The following LAMA3 variants were observed in gnomAD, a reference collection of about 807,000 sequenced individuals.
The protein encoded by LAMA3 is laminin subunit alpha 3, also known as laminin subunit alpha-3.
In LAMA3, 281 loss-of-function variants were observed where a neutral mutation model predicts 402.0. The ratio of observed to expected loss-of-function variants is 0.70; its 90% CI spans 0.63 to 0.77. The LOEUF is 0.77. LAMA3 is among the 30% of genes least tolerant of loss of function. LAMA3 has a pLI of 0.00. For synonymous variants in LAMA3, 1,431 were observed against 1,558.4 expected, an observed-to-expected ratio of 0.92 and a Z score of 1.93; for missense variants, 3,840 against 4,215.5, an observed-to-expected ratio of 0.91 and a Z score of 2.47.
At chr18:23,889,694 AAGGGAGGG>A (rs1159391824) in intron 41 of LAMA3, among the ~76,000 whole-genome samples, 2 of 83,000 alleles carry the variant, frequency 2.4e-5, no homozygotes, top group African/African-American at 7.8e-5. Context: ...GGAAGGAAGG[AAGGGAGGG>A]AGGAAGGGAG....
chr18:23,845,653 C>T (rs1006358492), intron 30 of LAMA3, among the ~76,000 whole-genome samples: 2 of 152,206 alleles, frequency 1.3e-5, no homozygotes, highest in Non-Finnish European at 2.9e-5. Flanking sequence ...GTCATAGATT[C>T]CTGAAGAGCC....
intron 25 of LAMA3, 54 bp from the exon 26 acceptor site, chr18:23,838,727 G>A (rs919277521): frequency 1.7e-5 from 16 of 964,706 alleles, no homozygotes; most frequent in Non-Finnish European, 2.4e-5. Flanking sequence ...TGGCCATACC[G>A]TTTGTTTTGC....
At chr18:23,941,594 A>G (rs937009313) in intron 68 of LAMA3, among the ~76,000 whole-genome samples, 1 of 152,146 alleles carries the variant, frequency 6.6e-6, no homozygotes, top group African/African-American at 2.4e-5. Flanking sequence ...TCTGATTTAC[A>G]TTCTAGCAGT....
chr18:23,845,197 G>A (rs2063787267), intron 30 of LAMA3, 73 bp downstream of exon 30: 6 of 879,112 alleles, frequency 6.8e-6, no homozygotes, highest in African/African-American at 1.7e-5. Context: ...CGAGGCCCAG[G>A]GAGGGGCTGG....
chr18:23,783,741 G>A (rs987025428), intron 11 of LAMA3, among the ~76,000 whole-genome samples: 4 of 151,904 alleles, frequency 2.6e-5, no homozygotes, highest in African/African-American at 2.4e-5. Flanking sequence ...TACAAAGCTC[G>A]GCTTTAGAGG....
intron 21 of LAMA3, among the ~76,000 whole-genome samples, chr18:23,825,949 C>T (rs1459545768): frequency 6.6e-6 from 1 of 152,156 alleles, no homozygotes; most frequent in African/African-American, 2.4e-5. Flanking sequence ...AAAATTTAAA[C>T]CTACTGAGTC....
In LAMA3 at chr18:23,753,729, C is replaced by T. The variant is rs527870822; in HGVS notation, c.864C>T (p.Tyr288=). The T allele has an allele frequency of 5.6e-6, 9 of 1,612,796 alleles. No homozygotes were observed. In the African/African-American group the frequency reaches 1.1e-4, roughly 19 times the overall value. ...TGTGTTCTGTTGTGCAGTATTATTA[C>T]AGCATAAAGGACATCAGCATTGGTG... The part of the protein sequence containing the change: ...RDPTVTRRYY[Y]SIKDISIGGQ... The change falls in exon 6 of 75, where the codon TAC becomes TAT. Residue 288 remains tyrosine, a synonymous_variant. Coordinates refer to ENST00000313654, the MANE Select transcript of LAMA3 (RefSeq NM_198129.4).
chr18:23,692,702 C>T lies in LAMA3; in HGVS notation c.294+2725C>T, dbSNP rs543803809. On this transcript the variant is annotated intron_variant, in intron 1 of 74. Coordinates refer to ENST00000313654, the MANE Select transcript of LAMA3 (RefSeq NM_198129.4). ...CATTCTGATGCTTGTTTTCTATATG[C>T]CTTATATATTTTTTGGCTACTCTCA... 1.8e-3 allele frequency among the ~76,000 whole-genome samples: 274 copies of T among 152,196 alleles called. 1 individual carries two copies. Among genetic ancestry groups the T allele is most frequent in the African/African-American group, 6.3e-3 (261 of 41,514 alleles).
intron 2 of LAMA3, among the ~76,000 whole-genome samples, chr18:23,729,398 GT>G (rs1360449860): frequency 6.6e-6 from 1 of 152,124 alleles, no homozygotes; most frequent in African/African-American, 2.4e-5. Flanking sequence ...GCAACAGATA[GT>G]AAAAATATTT....
chr18:23,945,118 G>A (rs1022330764), intron 69 of LAMA3, among the ~76,000 whole-genome samples: 1 of 152,152 alleles, frequency 6.6e-6, no homozygotes, highest in African/African-American at 2.4e-5. Context: ...GGGCGACAGA[G>A]CAAGACTCTG....
intron 25 of LAMA3, among the ~76,000 whole-genome samples, chr18:23,837,521 T>TA (rs990891752): frequency 1.4e-5 from 2 of 141,566 alleles, no homozygotes; most frequent in Non-Finnish European, 3.0e-5. Context: ...TTACCTAGTT[T>TA]AAAAAAAACT....
At chr18:23,812,321 G>T (rs2063090237) in intron 13 of LAMA3, among the ~76,000 whole-genome samples, 1 of 152,190 alleles carries the variant, frequency 6.6e-6, no homozygotes, top group African/African-American at 2.4e-5. Flanking sequence ...CAACCTGGAA[G>T]ACAGAGCAAG....
chr18:23,804,179 G>A (rs1033124580), intron 12 of LAMA3, among the ~76,000 whole-genome samples: 9 of 152,142 alleles, frequency 5.9e-5, no homozygotes, highest in Non-Finnish European at 1.2e-4. Context: ...ATATGTAGAC[G>A]GTGGCAGGAC....
Position 23,884,665 on chromosome 18 carries a change from C to T in LAMA3, c.5223-108C>T. The T allele has an allele frequency of 3.9e-6, 4 of 1,031,046 alleles. No homozygotes were observed. In the South Asian group the frequency reaches 5.4e-5, roughly 14 times the overall value. 63.9% of individuals were successfully genotyped at this position (1,031,046 alleles called of 1,614,324 possible). On this transcript the variant is annotated intron_variant, in intron 40 of 74. Coordinates refer to ENST00000313654, the MANE Select transcript of LAMA3 (RefSeq NM_198129.4). ...TTTCTTCACACAAAGTAACCAGACC[C>T]TGGGTTTCAGTGCTCACTTAATACA...
At chr18:23,814,300 C>A in intron 14 of LAMA3, 103 bp from the exon 15 acceptor site, 1 of 902,662 alleles carries the variant, frequency 1.1e-6, no homozygotes, top group Non-Finnish European at 1.9e-6. Flanking sequence ...AATTACTTTT[C>A]ATGACCAAAA....
chr18:23,750,685 C>T (rs1350749808), intron 4 of LAMA3, among the ~76,000 whole-genome samples: 4 of 151,876 alleles, frequency 2.6e-5, no homozygotes, highest in Non-Finnish European at 4.4e-5. Flanking sequence ...TAACATCTCC[C>T]GAGAGCCCAG....
chr18:23,803,265 C>G (rs2062898459), intron 12 of LAMA3, among the ~76,000 whole-genome samples: 1 of 152,144 alleles, frequency 6.6e-6, no homozygotes, highest in African/African-American at 2.4e-5. Flanking sequence ...GCTGATTACC[C>G]TGGAGAATGG....
chr18:23,876,452 C>T (rs749224094), intron 39 of LAMA3, 45 bp downstream of exon 39: 7 of 1,248,480 alleles, frequency 5.6e-6, no homozygotes, highest in Non-Finnish European at 8.3e-6. Context: ...CAATCTGTTT[C>T]TCCTCCATTC....
At chr18:23,703,132 A>C (rs549150727) in intron 1 of LAMA3, among the ~76,000 whole-genome samples, 1 of 152,318 alleles carries the variant, frequency 6.6e-6, no homozygotes. Context: ...TGCAGTGGGC[A>C]GAAGAATCCT....
Sources: allele counts gnomAD v4.1 joint callset (sites outside exome capture counted in the v4.1 genomes callset), GRCh38; gene constraint gnomAD v4.1.1; transcripts MANE v1.5; gene names NCBI Gene and HGNC (gene_info 2026-07-23, HGNC 2026-07-21).